The following CCDC171 variants were observed in gnomAD, a reference collection of about 807,000 sequenced individuals.
The protein encoded by CCDC171 is coiled-coil domain containing 171.
CCDC171 carries 177 observed loss-of-function variants against 168.2 expected under a neutral mutation model. The ratio of observed to expected loss-of-function variants is 1.05; its 90% CI spans 0.93 to 1.19. The LOEUF is 1.19. CCDC171 is among the 50% of genes most tolerant of loss of function. The pLI, the probability that CCDC171 is intolerant of heterozygous loss-of-function variation, is 0.00. For missense variants in CCDC171, 1,991 were observed against 1,539.0 expected (o/e 1.29, Z -4.91); for synonymous variants, 687 against 540.8 (o/e 1.27, Z -3.75).
intron 7 of CCDC171, among the ~76,000 whole-genome samples, chr9:15,639,990 C>G (rs1405275578): frequency 4.6e-5 from 7 of 152,086 alleles, no homozygotes; most frequent in Non-Finnish European, 8.8e-5. Context: ...CTCGTTTTGG[C>G]CTTTGGGCCA....
At chr9:15,814,736 G>A (rs2059496298) in intron 21 of CCDC171, among the ~76,000 whole-genome samples, 1 of 151,924 alleles carries the variant, frequency 6.6e-6, no homozygotes, top group Admixed American at 6.6e-5. Flanking sequence ...TAATGAAGCA[G>A]AGTCTTTTTT....
chr9:15,555,165 A>G (rs888402050), intron 1 of CCDC171, among the ~76,000 whole-genome samples: 6 of 152,168 alleles, frequency 3.9e-5, no homozygotes, highest in Non-Finnish European at 7.4e-5. Flanking sequence ...CTTGGCCTCA[A>G]TTACCCTTTT....
chr9:15,892,688 C>CA (rs959030592), intron 24 of CCDC171, among the ~76,000 whole-genome samples: 3 of 151,790 alleles, frequency 2.0e-5, no homozygotes, highest in African/African-American at 7.3e-5. Context: ...ACAGTTGCTG[C>CA]AAAAAACAAA....
intron 1 of CCDC171, among the ~76,000 whole-genome samples, chr9:15,559,281 A>G (rs918100075): frequency 6.6e-6 from 1 of 151,976 alleles, no homozygotes; most frequent in Non-Finnish European, 1.5e-5. Flanking sequence ...CAATTCCTGG[A>G]TATCCTTGTT....
intron 16 of CCDC171, among the ~76,000 whole-genome samples, chr9:15,736,828 G>T (rs771787549): frequency 6.6e-6 from 1 of 151,946 alleles, no homozygotes; most frequent in African/African-American, 2.4e-5. Flanking sequence ...GGCATGCACC[G>T]CCACACCTGG....
At chr9:15,863,500 A>AT (rs930504350) in intron 23 of CCDC171, among the ~76,000 whole-genome samples, 32 of 148,526 alleles carry the variant, frequency 2.2e-4, no homozygotes, top group East Asian at 4.0e-4. Context: ...TGGTTGACAC[A>AT]TTTTTTTTTT....
chr9:15,861,704 T>G (rs2061567072), intron 23 of CCDC171, among the ~76,000 whole-genome samples: 1 of 135,438 alleles, frequency 7.4e-6, no homozygotes, highest in Non-Finnish European at 1.6e-5. Context: ...ATTCATTCAT[T>G]CACATATTTT....
At chr9:15,995,269 A>G (rs1832336471) in intron 3 of CCDC171, among the ~76,000 whole-genome samples, 1 of 152,242 alleles carries the variant, frequency 6.6e-6, no homozygotes, top group Non-Finnish European at 1.5e-5. Flanking sequence ...CAAGAACAGA[A>G]CAATTGTCAA....
At chr9:16,020,286 C>T (rs576558158) in intron 3 of CCDC171, among the ~76,000 whole-genome samples, 1 of 152,220 alleles carries the variant, frequency 6.6e-6, no homozygotes, top group South Asian at 2.1e-4. Context: ...ATACTTGGGT[C>T]CTATCCCCAA....
At chr9:15,809,945 G>A (rs976099419) in intron 21 of CCDC171, among the ~76,000 whole-genome samples, 3 of 152,136 alleles carry the variant, frequency 2.0e-5, no homozygotes, top group African/African-American at 7.2e-5. Flanking sequence ...CCGTTTTACA[G>A]AGAGCTGATT....
chr9:15,746,437 G>A lies in CCDC171; in HGVS notation c.2671+806G>A, dbSNP rs181874766. Reference sequence around the variant, plus strand: ...AGATTATTTTTAAGTTGTGGCCATCGATGTTGGTAAGCAATGCGCATATTT... The same window carrying A: ...AGATTATTTTTAAGTTGTGGCCATCAATGTTGGTAAGCAATGCGCATATTT... On this transcript the variant is annotated intron_variant, in intron 18 of 25. Transcript: ENST00000380701. Among the ~76,000 whole-genome samples, 210 of 152,280 alleles carry A rather than the reference G, an allele frequency of 1.4e-3. No individual in the cohort carries two copies. In the Middle Eastern group the frequency reaches 0.031, roughly 22 times the overall value.
At chr9:15,856,985 C>G (rs970912521) in intron 23 of CCDC171, among the ~76,000 whole-genome samples, 11 of 151,860 alleles carry the variant, frequency 7.2e-5, no homozygotes, top group Admixed American at 5.3e-4. Flanking sequence ...TTTCATATAC[C>G]TGTTTGACCA....
chr9:15,888,221 CTT>C (rs1819688648), intron 24 of CCDC171: 1 of 152,162 alleles, frequency 6.6e-6, no homozygotes, highest in African/African-American at 2.4e-5. Context: ...ACTTTTAAAA[CTT>C]GATGTGATTT....
rs543786547 is a variant in CCDC171, at chr9:15,875,032, GA to G, written c.3600+377del. 5.1e-3 allele frequency: 778 copies of G among 152,420 alleles called. 2 individuals are homozygous for G. Among genetic ancestry groups the G allele is most frequent in the Non-Finnish European group, 8.5e-3 (585 of 68,750 alleles). The allele number at this position is 152,420 out of a possible 1,614,324, so 9.4% of individuals were successfully genotyped here. On this transcript the variant is annotated intron_variant, in intron 24 of 25. Transcript: ENST00000380701. The stretch of plus-strand genomic sequence containing the variant: ...TATTGTTTGAAAATAAGTAATTTTA[GA>G]AAAAAAATAAAATAATAAATCACTT...
intron 25 of CCDC171, among the ~76,000 whole-genome samples, chr9:15,952,587 G>T (rs1428014833): frequency 6.6e-6 from 1 of 151,976 alleles, no homozygotes; most frequent in Non-Finnish European, 1.5e-5. Flanking sequence ...AGTAGAGACG[G>T]GGTTTCTCCA....
intron 25 of CCDC171, among the ~76,000 whole-genome samples, chr9:15,921,116 G>T (rs61137805): frequency 6.6e-6 from 1 of 151,738 alleles, no homozygotes; most frequent in Non-Finnish European, 1.5e-5. Flanking sequence ...TAATTGGAAT[G>T]TCTTTTTAAT....
chr9:15,567,741 A>C (rs1227497135), intron 2 of CCDC171, among the ~76,000 whole-genome samples: 1 of 151,094 alleles, frequency 6.6e-6, no homozygotes, highest in Non-Finnish European at 1.5e-5. Flanking sequence ...TGTGGCCTCA[A>C]CTCCTGAGCT....
intron 15 of CCDC171, 113 bp from the exon 16 acceptor site, chr9:15,729,497 A>G: frequency 1.8e-6 from 1 of 557,922 alleles, no homozygotes; most frequent in African/African-American, 1.9e-5. Flanking sequence ...AAATTTTTAT[A>G]TGATCTTAAG....
chr9:16,098,164 C>CT, the CCDC171 span, among the ~76,000 whole-genome samples: 1 of 152,136 alleles, frequency 6.6e-6, no homozygotes, highest in Non-Finnish European at 1.5e-5. Context: ...AGCTGAGAGA[C>CT]TTTGGGCTAG....
Sources: allele counts gnomAD v4.1 joint callset (sites outside exome capture counted in the v4.1 genomes callset), GRCh38; gene constraint gnomAD v4.1.1; transcripts MANE v1.5; gene names NCBI Gene and HGNC (gene_info 2026-07-23, HGNC 2026-07-21).